DOCK8: variants seen among roughly 807,000 people sequenced by gnomAD.
DOCK8 encodes dedicator of cytokinesis 8.
A neutral mutation model predicts 245.6 loss-of-function variants in DOCK8; 141 were observed. The observed-to-expected ratio is 0.57, with a 90% CI of 0.50 to 0.66. The LOEUF (loss-of-function observed/expected upper bound fraction) is 0.66, where lower values mean the gene tolerates loss of function less well. DOCK8 is among the 30% of genes least tolerant of loss of function. DOCK8 has a pLI of 0.00. For synonymous variants in DOCK8, 1,168 were observed against 970.2 expected (o/e 1.20, Z -3.79); for missense variants, 2,965 against 2,603.4 (o/e 1.14, Z -3.02).
chr9:309,765 A>G (rs976620666), intron 5 of DOCK8, among the ~76,000 whole-genome samples: 1 of 152,212 alleles, frequency 6.6e-6, no homozygotes, highest in Non-Finnish European at 1.5e-5. Flanking sequence ...GAAGCATAAC[A>G]TTCAGCTTTG....
chr9:397,282 C>A (rs1564007111), intron 25 of DOCK8, among the ~76,000 whole-genome samples: 1 of 146,508 alleles, frequency 6.8e-6, no homozygotes, highest in African/African-American at 2.5e-5. Flanking sequence ...ACCTGGGAGA[C>A]AGAGGTTGCA....
At chr9:426,655 A>T (rs1389251779) in intron 33 of DOCK8, among the ~76,000 whole-genome samples, 3 of 152,180 alleles carry the variant, frequency 2.0e-5, no homozygotes, top group Admixed American at 1.3e-4. Flanking sequence ...CATCATTATT[A>T]ATAATAGTGG....
Position 400,024 on chromosome 9 carries a change from T to G in DOCK8, c.3234+765T>G, listed in dbSNP as rs62531867. Among the ~76,000 whole-genome samples, 15 of 66,816 alleles carry G rather than the reference T, an allele frequency of 2.2e-4. 1 individual carries two copies. Among genetic ancestry groups the G allele is most frequent in the African/African-American group, 1.1e-3 (14 of 13,284 alleles). 43.8% of individuals were successfully genotyped at this position (66,816 alleles called of 152,430 possible). A position where few individuals can be genotyped will look rare whatever the true frequency, so the allele number is the denominator to read the frequency against. Reference sequence around the variant, plus strand: ...CACCACCTCCACCATCACCACCACCTCCACCATCACCACCACCACCTCCAC... The same window carrying G: ...CACCACCTCCACCATCACCACCACCGCCACCATCACCACCACCACCTCCAC... On this transcript the variant is annotated intron_variant, in intron 26 of 47. Transcript: ENST00000432829.
chr9:315,926 T>G (rs905375565), intron 6 of DOCK8, among the ~76,000 whole-genome samples: 1 of 152,174 alleles, frequency 6.6e-6, no homozygotes, highest in Non-Finnish European at 1.5e-5. Flanking sequence ...GTTCCAATGA[T>G]CCTAAAAGGT....
chr9:215,074 G>C (rs758218649), intron 1 of DOCK8, 45 bp downstream of exon 1: 9 of 1,540,906 alleles, frequency 5.8e-6, no homozygotes, highest in South Asian at 1.2e-5. Context: ...GGACAGCCCA[G>C]CGCTGGTGTG....
intron 14 of DOCK8, among the ~76,000 whole-genome samples, chr9:365,128 G>T (rs1238671827): frequency 6.6e-6 from 1 of 152,236 alleles, no homozygotes; most frequent in Non-Finnish European, 1.5e-5. Flanking sequence ...ATGACGAAAA[G>T]TTTGGGAAAC....
In DOCK8 at chr9:434,773, C is replaced by G; in HGVS notation, c.4887-10C>G. 6.2e-7 allele frequency: 1 copy of G among 1,613,852 alleles called. No individual in the cohort carries two copies. The highest frequency in any genetic ancestry group is 8.5e-7 in the Non-Finnish European group (1 of 1,179,976). ...TCCTCAAAACTACTTCTCACTCAAT[C>G]TGTCTTCAGAATTGCCAAGAGTTAC... On this transcript the variant is annotated splice_polypyrimidine_tract_variant and intron_variant, in intron 38 of 47. Coordinates refer to ENST00000432829, the MANE Select transcript of DOCK8 (RefSeq NM_203447.4).
intron 46 of DOCK8, 47 bp downstream of exon 46, chr9:452,164 A>G: frequency 1.6e-6 from 2 of 1,285,634 alleles, no homozygotes; most frequent in Non-Finnish European, 2.2e-6. Flanking sequence ...GTGGTTCTCA[A>G]AGTGCAATCT....
At chr9:256,980 GC>G (rs1252228220) in intron 1 of DOCK8, among the ~76,000 whole-genome samples, 1 of 152,166 alleles carries the variant, frequency 6.6e-6, no homozygotes, top group Admixed American at 6.6e-5. Context: ...TCCTGAGCCT[GC>G]TCTCCTTCTC....
In DOCK8 at chr9:371,462, C is replaced by A. The variant is rs758420842; in HGVS notation, c.1903C>A (p.Leu635Ile). The A allele has an allele frequency of 1.9e-6, 3 of 1,614,194 alleles. No individual in the cohort carries two copies. In the South Asian group the frequency reaches 3.3e-5, roughly 18 times the overall value. Residue 635 changes from leucine (L) to isoleucine (I), a missense_variant, in exon 17 of 48, where the codon CTC becomes ATC. Leu to Ile is a conservative substitution (Grantham distance 5). Transcript: ENST00000432829. Reference protein sequence around the residue: ...PDFYEEVKIKLPAKLTVNHHL... With the variant: ...PDFYEEVKIKIPAKLTVNHHL... ...CTTTTATGAAGAAGTGAAAATTAAG[C>A]TCCCCGCTAAGCTCACAGTAAATCA... is the stretch of plus-strand genomic sequence containing the variant.
chr9:344,442 C>G (rs1013448329), intron 14 of DOCK8, among the ~76,000 whole-genome samples: 2 of 152,182 alleles, frequency 1.3e-5, no homozygotes, highest in South Asian at 2.1e-4. Flanking sequence ...TTACCCAGTC[C>G]CAGATGAGTG....
chr9:350,766 C>T (rs1033920721), intron 14 of DOCK8, among the ~76,000 whole-genome samples: 5 of 152,138 alleles, frequency 3.3e-5, no homozygotes, highest in African/African-American at 1.2e-4. Context: ...TTGGACAGAA[C>T]GTAGATAGCA....
chr9:388,185 G>T (rs2054033189), intron 23 of DOCK8, among the ~76,000 whole-genome samples: 1 of 152,138 alleles, frequency 6.6e-6, no homozygotes, highest in African/African-American at 2.4e-5. Context: ...GAAGATCAAG[G>T]TGTAGTCCAG....
chr9:238,593 G>A (rs1367411200), intron 1 of DOCK8, among the ~76,000 whole-genome samples: 3 of 152,164 alleles, frequency 2.0e-5, no homozygotes, highest in Admixed American at 2.0e-4. Flanking sequence ...AATGTTGTCA[G>A]TAAGTTCTTG....
At chr9:426,216 G>T (rs886188076) in intron 33 of DOCK8, among the ~76,000 whole-genome samples, 1 of 152,120 alleles carries the variant, frequency 6.6e-6, no homozygotes, top group Non-Finnish European at 1.5e-5. Flanking sequence ...ATAGAGGAGC[G>T]AGCACCAGGC....
At chr9:294,014 T>A (rs2049153420) in intron 4 of DOCK8, among the ~76,000 whole-genome samples, 4 of 152,192 alleles carry the variant, frequency 2.6e-5, no homozygotes, top group Admixed American at 2.6e-4. Flanking sequence ...GATCTTTTCA[T>A]ACCCTCACAA....
chr9:376,941 A>C, intron 19 of DOCK8, 36 bp from the exon 20 acceptor site: 1 of 1,577,592 alleles, frequency 6.3e-7, no homozygotes, highest in Non-Finnish European at 8.7e-7. Context: ...CATTGATGGT[A>C]TAAAACCCCA....
intron 42 of DOCK8, among the ~76,000 whole-genome samples, 192 bp from the exon 43 acceptor site, chr9:443,235 C>A (rs756387353): frequency 6.6e-6 from 1 of 152,120 alleles, no homozygotes; most frequent in South Asian, 2.1e-4. Flanking sequence ...GAAGCATATA[C>A]CAGTTGACAG....
chr9:404,000 A>G (rs1470248638), intron 26 of DOCK8, among the ~76,000 whole-genome samples: 4 of 133,508 alleles, frequency 3.0e-5, no homozygotes, highest in Admixed American at 7.9e-5. Flanking sequence ...ATGTGTATAT[A>G]TATATATATA....
Sources: gnomAD v4.1 joint callset for allele counts (sites outside exome capture counted in the v4.1 genomes callset) on GRCh38, gnomAD v4.1.1 for gene constraint, MANE v1.5 for transcripts, NCBI Gene and HGNC (gene_info 2026-07-23, HGNC 2026-07-21) for gene names.